Variants in PRKN observed in about 807,000 individuals in gnomAD.
PRKN encodes E3 ubiquitin-protein ligase parkin.
In PRKN, 56 loss-of-function variants were observed where a neutral mutation model predicts 59.5. The observed-to-expected ratio is 0.94, with a 90% CI of 0.76 to 1.18. PRKN has a LOEUF of 1.18. Ranked by LOEUF, PRKN falls within the 50% of genes most tolerant of loss-of-function variation. PRKN has a pLI of 0.00. For missense variants in PRKN, 657 were observed against 596.4 expected, an observed-to-expected ratio of 1.10 and a Z score of -1.06; for synonymous variants, 250 against 222.1, an observed-to-expected ratio of 1.13 and a Z score of -1.12.
intron 1 of PRKN, among the ~76,000 whole-genome samples, chr6:162,689,976 T>C (rs1411224119): frequency 6.6e-6 from 1 of 152,124 alleles, no homozygotes; most frequent in East Asian, 1.9e-4. Flanking sequence ...TTATTCTGAA[T>C]ATATGAGGAC....
Position 161,372,504 on chromosome 6 carries a change from G to A in PRKN, c.1168-12299C>T, listed in dbSNP as rs566741931. Reference sequence around the variant, plus strand: ...GAAACATGTGTTGGGTGTCTAAGATGTGCCAGGCACTGTCCTGGACCCTGG... The same window carrying A: ...GAAACATGTGTTGGGTGTCTAAGATATGCCAGGCACTGTCCTGGACCCTGG... On this transcript the variant is annotated intron_variant, in intron 10 of 11. Transcript: ENST00000366898. The surrounding 1 kb of genome is among the most constrained non-coding windows in gnomAD (Gnocchi z 4.2). Among the ~76,000 whole-genome samples, 1 of 152,326 alleles carries A rather than the reference G, an allele frequency of 6.6e-6. No individual in the cohort carries two copies. The highest frequency in any genetic ancestry group is 1.5e-5 in the Non-Finnish European group (1 of 68,038).
chr6:161,698,074 G>C (rs1383094280), intron 7 of PRKN, among the ~76,000 whole-genome samples: 10 of 152,028 alleles, frequency 6.6e-5, no homozygotes, highest in Admixed American at 5.9e-4. Flanking sequence ...TCCAACAAAA[G>C]CTTCTAATAT....
chr6:162,135,289 AC>A (rs566638846), intron 4 of PRKN, among the ~76,000 whole-genome samples: 32 of 152,210 alleles, frequency 2.1e-4, no homozygotes, highest in African/African-American at 7.5e-4. Context: ...GGTTTGAGCC[AC>A]CAGGACTAGC....
intron 2 of PRKN, among the ~76,000 whole-genome samples, chr6:162,405,366 C>T (rs1204326861): frequency 6.6e-6 from 1 of 152,164 alleles, no homozygotes; most frequent in Non-Finnish European, 1.5e-5. Context: ...GTCGCCCTCA[C>T]ACATGCTTGG....
intron 2 of PRKN, among the ~76,000 whole-genome samples, chr6:162,377,371 C>A (rs955312659): frequency 6.6e-6 from 1 of 152,158 alleles, no homozygotes; most frequent in Non-Finnish European, 1.5e-5. Flanking sequence ...AGGCCAGTGA[C>A]ACCACGCTCG....
chr6:161,590,197 A>G (rs1282590684), intron 7 of PRKN, among the ~76,000 whole-genome samples: 1 of 152,220 alleles, frequency 6.6e-6, no homozygotes, highest in Non-Finnish European at 1.5e-5. Context: ...CCTGACGGCC[A>G]CCACTTTGAC....
chr6:162,368,174 G>A (rs1300402405), intron 2 of PRKN, among the ~76,000 whole-genome samples: 1 of 152,182 alleles, frequency 6.6e-6, no homozygotes, highest in Non-Finnish European at 1.5e-5. Flanking sequence ...CGTGGCTGGG[G>A]AAGGGTTGGG....
intron 5 of PRKN, among the ~76,000 whole-genome samples, chr6:162,025,327 T>A (rs1486011950): frequency 6.6e-6 from 1 of 152,066 alleles, no homozygotes; most frequent in East Asian, 1.9e-4. Flanking sequence ...ATGTATTATT[T>A]ATAAATAATT....
At position 162,467,806 on chromosome 6, in the gene PRKN, T is replaced by C. The variant is rs528033142; in HGVS notation, c.8-24333A>G. Reference sequence around the variant, plus strand: ...CACTTGTCCTCCAGCCTCAACCCCCTGTCACGCTCCCGCTACGCCGCCCAC... The same window carrying C: ...CACTTGTCCTCCAGCCTCAACCCCCCGTCACGCTCCCGCTACGCCGCCCAC... On this transcript the variant is annotated intron_variant, in intron 1 of 11. Coordinates refer to ENST00000366898, the MANE Select transcript of PRKN (RefSeq NM_004562.3). 1.3e-3 allele frequency among the ~76,000 whole-genome samples: 165 copies of C among 129,750 alleles called. 2 individuals are homozygous for C. The highest frequency in any genetic ancestry group is 0.011 in the Middle Eastern group (3 of 266). 85.1% of individuals were successfully genotyped at this position (129,750 alleles called of 152,430 possible).
intron 6 of PRKN, among the ~76,000 whole-genome samples, chr6:161,812,911 A>T (rs1791620543): frequency 6.6e-6 from 1 of 152,244 alleles, no homozygotes; most frequent in Non-Finnish European, 1.5e-5. Flanking sequence ...AAGAGGAGTG[A>T]AAACATGTAT....
chr6:162,678,106 A>G (rs1779621616), intron 1 of PRKN, among the ~76,000 whole-genome samples: 1 of 152,218 alleles, frequency 6.6e-6, no homozygotes, highest in Non-Finnish European at 1.5e-5. Flanking sequence ...TGATTTTGAA[A>G]ATCATTTCAT....
rs552606477 is a variant in PRKN, at chr6:162,046,070, C to G, written c.618+8021G>C. ...CTTTTCCAGTAGATCGATATGTACTCTCTCCTAATCTAAAACCTAGTGGTC... is the reference window on the plus strand; with the variant it reads ...CTTTTCCAGTAGATCGATATGTACTGTCTCCTAATCTAAAACCTAGTGGTC... On this transcript the variant is annotated intron_variant, in intron 5 of 11. Transcript: ENST00000366898. Among the ~76,000 whole-genome samples, 12 of 152,280 alleles carry G rather than the reference C, an allele frequency of 7.9e-5. No homozygotes were observed. The East Asian group carries it at 1.7e-3, about 22-fold the overall frequency.
intron 1 of PRKN, among the ~76,000 whole-genome samples, chr6:162,652,452 A>C (rs561787199): frequency 6.6e-6 from 1 of 152,236 alleles, no homozygotes; most frequent in South Asian, 2.1e-4. Context: ...TTCATATATA[A>C]ATTCCTTTAA....
intron 1 of PRKN, among the ~76,000 whole-genome samples, chr6:162,588,591 G>GC (rs1187413443): frequency 1.3e-5 from 2 of 151,610 alleles, no homozygotes; most frequent in African/African-American, 4.8e-5. Flanking sequence ...TGGCTCAGTC[G>GC]CCCAGGCTGG....
rs184728475 is a variant in PRKN, at chr6:162,114,539, T to C, written c.535-60365A>G. Among the ~76,000 whole-genome samples, 1,159 of 152,194 alleles carry C rather than the reference T, an allele frequency of 7.6e-3. 23 individuals carry two copies. Among genetic ancestry groups the C allele is most frequent in the African/African-American group, 0.026 (1,078 of 41,480 alleles). On this transcript the variant is annotated intron_variant, in intron 4 of 11. Transcript: ENST00000366898. ...TTTGTCTGTTGTTGGTGTATAAGAATGCTTGTGATTTTTGTACATTGATTT... is the reference window on the plus strand; with the variant it reads ...TTTGTCTGTTGTTGGTGTATAAGAACGCTTGTGATTTTTGTACATTGATTT...
In PRKN at chr6:161,645,946, G is replaced by A. The variant is rs529021369; in HGVS notation, c.872-76530C>T. 1.3e-4 allele frequency among the ~76,000 whole-genome samples: 19 copies of A among 141,670 alleles called. No individual in the cohort carries two copies. In the East Asian group the frequency reaches 3.2e-3, roughly 24 times the overall value. The allele number at this position is 141,670 out of a possible 152,430, so 92.9% of individuals were successfully genotyped here. On this transcript the variant is annotated intron_variant, in intron 7 of 11. Coordinates refer to ENST00000366898, the MANE Select transcript of PRKN (RefSeq NM_004562.3). ...TGGTGACTGCGTGTGCATGCGTGGC[G>A]GAGGAGGTGGCGTATCAGTGACAGT...
chr6:162,349,375 G>C (rs1399882484), intron 2 of PRKN, among the ~76,000 whole-genome samples: 3 of 152,164 alleles, frequency 2.0e-5, no homozygotes, highest in Non-Finnish European at 4.4e-5. Flanking sequence ...GCAGAGGCAG[G>C]AGAATCGCTG....
rs191323634 is a variant in PRKN at position 162,642,747 on chromosome 6, A to C, written c.7+84915T>G. Among the ~76,000 whole-genome samples, 25 of 151,938 alleles carry C rather than the reference A, an allele frequency of 1.6e-4. No individual in the cohort carries two copies. In the East Asian group the frequency reaches 4.5e-3, roughly 27 times the overall value. Reference sequence around the variant, plus strand: ...AGTTATATAACTTTTTTCTTAAGAAAAATGATTAAACCAATCTAATCAAAA... The same window carrying C: ...AGTTATATAACTTTTTTCTTAAGAACAATGATTAAACCAATCTAATCAAAA... On this transcript the variant is annotated intron_variant, in intron 1 of 11. Coordinates refer to ENST00000366898, the MANE Select transcript of PRKN (RefSeq NM_004562.3).
chr6:162,070,786 C>A (rs1398900163), intron 4 of PRKN, among the ~76,000 whole-genome samples: 1 of 152,186 alleles, frequency 6.6e-6, no homozygotes, highest in Non-Finnish European at 1.5e-5. Flanking sequence ...TCTCATGCTG[C>A]CACTGATTTG....
Sources: allele counts gnomAD v4.1 joint callset (sites outside exome capture counted in the v4.1 genomes callset), GRCh38; gene constraint gnomAD v4.1.1; non-coding constraint Gnocchi (gnomAD v3.1); transcripts MANE v1.5; gene names NCBI Gene and HGNC (gene_info 2026-07-23, HGNC 2026-07-21).